PXDNL: variants seen among roughly 807,000 people sequenced by gnomAD.
PXDNL encodes peroxidasin like.
PXDNL carries 145 observed loss-of-function variants against 150.8 expected under a neutral mutation model. That is an observed-to-expected ratio of 0.96 (90% CI 0.84 to 1.10). The LOEUF (loss-of-function observed/expected upper bound fraction) is 1.10, where lower values mean the gene tolerates loss of function less well. Ranked by LOEUF, PXDNL falls within the 50% of genes least tolerant of loss-of-function variation. The pLI is 0.00. For synonymous variants in PXDNL, 757 were observed against 725.7 expected (o/e 1.04, Z -0.69); for missense variants, 2,087 against 1,873.9 (o/e 1.11, Z -2.10).
chr8:51,339,597 G>T lies in PXDNL; in HGVS notation c.4146+27C>A, dbSNP rs778180715. Reference sequence around the variant, plus strand: ...TAGTTATTCCAACGCATACAATAAGGACATGTTATTTGAAGAGAAAACAAA... The same window carrying T: ...TAGTTATTCCAACGCATACAATAAGTACATGTTATTTGAAGAGAAAACAAA... On this transcript the variant is annotated intron_variant, in intron 21 of 22. Coordinates refer to ENST00000356297, the MANE Select transcript of PXDNL (RefSeq NM_144651.5). 6 of 1,607,364 alleles carry T rather than the reference G, an allele frequency of 3.7e-6. No homozygotes were observed. In the South Asian group the frequency reaches 6.7e-5, roughly 18 times the overall value.
In PXDNL at chr8:51,320,765, G is replaced by A. The variant is rs750487417; in HGVS notation, c.4260+19C>T. The A allele has an allele frequency of 5.0e-6, 8 of 1,592,186 alleles. No homozygotes were observed. In the Admixed American group the frequency reaches 1.3e-4, roughly 27 times the overall value. Reference sequence around the variant, plus strand: ...AGAAGTGAAATGGGGAGTTGGACTGGAAAACTCGCAGCACAAACCTCACAA... The same window carrying A: ...AGAAGTGAAATGGGGAGTTGGACTGAAAAACTCGCAGCACAAACCTCACAA... On this transcript the variant is annotated intron_variant, in intron 22 of 22. Transcript: ENST00000356297.
At chr8:51,583,759 G>T (rs1406291965) in intron 3 of PXDNL, among the ~76,000 whole-genome samples, 1 of 152,134 alleles carries the variant, frequency 6.6e-6, no homozygotes. Flanking sequence ...ATGGATATTA[G>T]ATAGATAGAC....
chr8:51,592,489 T>C, intron 3 of PXDNL, 138 bp downstream of exon 3: 2 of 592,540 alleles, frequency 3.4e-6, no homozygotes, highest in Admixed American at 3.4e-5. Context: ...GACATGTTCA[T>C]ATGTGAGTTT....
chr8:51,461,832 TC>T (rs573959446), intron 8 of PXDNL, among the ~76,000 whole-genome samples: 214 of 152,270 alleles, frequency 1.4e-3, no homozygotes, highest in Non-Finnish European at 2.1e-3. Context: ...ATCTCTCACT[TC>T]CTGTCTCCCC....
At chr8:51,573,626 G>A (rs1812990598) in intron 3 of PXDNL, among the ~76,000 whole-genome samples, 1 of 151,974 alleles carries the variant, frequency 6.6e-6, no homozygotes, top group African/African-American at 2.4e-5. Context: ...ATCAATGGAA[G>A]CCACATGGGA....
chr8:51,714,570 T>C (rs947285096), intron 1 of PXDNL, among the ~76,000 whole-genome samples: 2 of 152,160 alleles, frequency 1.3e-5, no homozygotes, highest in African/African-American at 4.8e-5. Context: ...AATATTGATC[T>C]CCCATTACCT....
intron 1 of PXDNL, among the ~76,000 whole-genome samples, chr8:51,758,397 T>C: frequency 6.6e-6 from 1 of 152,200 alleles, no homozygotes. Flanking sequence ...AGGAAATAGA[T>C]GTTCAACACT....
intron 2 of PXDNL, among the ~76,000 whole-genome samples, chr8:51,654,309 G>T (rs1352497113): frequency 6.6e-6 from 1 of 152,114 alleles, no homozygotes; most frequent in Non-Finnish European, 1.5e-5. Context: ...AAATAAGAAG[G>T]CCTAGTAGCA....
intron 1 of PXDNL, among the ~76,000 whole-genome samples, chr8:51,803,080 T>G (rs192438505): frequency 6.6e-6 from 1 of 152,316 alleles, no homozygotes; most frequent in Admixed American, 6.5e-5. Flanking sequence ...GAAGCATCAA[T>G]GTCAGACCTA....
chr8:51,386,343 G>A (rs546070400), intron 17 of PXDNL, among the ~76,000 whole-genome samples: 2 of 152,004 alleles, frequency 1.3e-5, no homozygotes, highest in African/African-American at 4.8e-5. Context: ...CGCCTGCCTC[G>A]GCCTCCCAAA....
chr8:51,567,526 C>A (rs1202368603), intron 3 of PXDNL, among the ~76,000 whole-genome samples: 2 of 151,716 alleles, frequency 1.3e-5, no homozygotes, highest in Non-Finnish European at 2.9e-5. Flanking sequence ...CTCTCTTTAT[C>A]CCTCAATACT....
chr8:51,448,276 C>T (rs546988344), intron 11 of PXDNL, among the ~76,000 whole-genome samples: 5 of 152,326 alleles, frequency 3.3e-5, no homozygotes, highest in Admixed American at 3.3e-4. Context: ...TCCTGCCTGC[C>T]AGGCCCACGC....
At chr8:51,680,119 G>C (rs1484490051) in intron 1 of PXDNL, among the ~76,000 whole-genome samples, 1 of 152,118 alleles carries the variant, frequency 6.6e-6, no homozygotes, top group Admixed American at 6.5e-5. Flanking sequence ...ATTTATGATG[G>C]AGCATCCAAG....
At chr8:51,472,428 C>T in intron 7 of PXDNL, 124 bp from the exon 8 acceptor site, 1 of 638,940 alleles carries the variant, frequency 1.6e-6, no homozygotes, top group Non-Finnish European at 2.7e-6. Flanking sequence ...CATCGAACTG[C>T]ATTTACCCGG....
intron 2 of PXDNL, among the ~76,000 whole-genome samples, chr8:51,641,898 C>T (rs575753727): frequency 2.0e-5 from 3 of 152,118 alleles, no homozygotes; most frequent in Non-Finnish European, 2.9e-5. Flanking sequence ...TATAAAGACA[C>T]ATGCACACGT....
chr8:51,321,654 A>G (rs1211537888), intron 21 of PXDNL, among the ~76,000 whole-genome samples: 1 of 152,034 alleles, frequency 6.6e-6, no homozygotes, highest in African/African-American at 2.4e-5. Context: ...CATGTGAAGA[A>G]GGTGCTTGCT....
chr8:51,777,639 T>C (rs1563318408), intron 1 of PXDNL, among the ~76,000 whole-genome samples: 1 of 152,180 alleles, frequency 6.6e-6, no homozygotes, highest in Admixed American at 6.5e-5. Context: ...AGGTGTCTCA[T>C]TGCCTGTAAT....
intron 1 of PXDNL, among the ~76,000 whole-genome samples, chr8:51,655,188 A>G (rs534341874): frequency 5.9e-5 from 9 of 152,318 alleles, no homozygotes; most frequent in African/African-American, 1.9e-4. Flanking sequence ...AAAAATTATT[A>G]ATTACTTAAT....
At chr8:51,646,533 A>G (rs1285897050) in intron 2 of PXDNL, among the ~76,000 whole-genome samples, 1 of 152,160 alleles carries the variant, frequency 6.6e-6, no homozygotes, top group Non-Finnish European at 1.5e-5. Context: ...AAGAATACCC[A>G]CGAGATGGGG....
Sources: allele counts gnomAD v4.1 joint callset (sites outside exome capture counted in the v4.1 genomes callset), GRCh38; gene constraint gnomAD v4.1.1; transcripts MANE v1.5; gene names NCBI Gene and HGNC (gene_info 2026-07-23, HGNC 2026-07-21).